Variants in DPP6 observed in about 807,000 individuals in gnomAD.
DPP6 encodes A-type potassium channel modulatory protein DPP6.
DPP6 carries 69 observed loss-of-function variants against 122.6 expected under a neutral mutation model. The ratio of observed to expected loss-of-function variants is 0.56; its 90% CI spans 0.46 to 0.69. The LOEUF (loss-of-function observed/expected upper bound fraction) is 0.69. DPP6 is among the 30% of genes least tolerant of loss of function. The pLI, the probability that DPP6 is intolerant of heterozygous loss-of-function variation, is 0.00. For synonymous variants in DPP6, 418 were observed against 433.1 expected (o/e 0.97, Z 0.43); for missense variants, 928 against 1,116.9 (o/e 0.83, Z 2.41).
At chr7:154,655,206 G>T (rs1308285824) in intron 6 of DPP6, among the ~76,000 whole-genome samples, 1 of 152,094 alleles carries the variant, frequency 6.6e-6, no homozygotes, top group African/African-American at 2.4e-5. Context: ...TGTTAGGTTT[G>T]CCCCCTCACT....
At chr7:154,280,303 G>A (rs146931588) in intron 1 of DPP6, among the ~76,000 whole-genome samples, 83 of 152,288 alleles carry the variant, frequency 5.5e-4, no homozygotes, top group African/African-American at 1.7e-3. Flanking sequence ...TAGGTGCTCA[G>A]GAAGTGAATC....
chr7:154,490,972 G>A (rs1323173186), intron 3 of DPP6, among the ~76,000 whole-genome samples: 3 of 152,162 alleles, frequency 2.0e-5, no homozygotes, highest in African/African-American at 2.4e-5. Flanking sequence ...GTCTATTTGC[G>A]ACACACCAGT....
chr7:153,970,011 A>G (rs1795949234), intron 1 of DPP6, among the ~76,000 whole-genome samples: 1 of 152,214 alleles, frequency 6.6e-6, no homozygotes, highest in African/African-American at 2.4e-5. Flanking sequence ...GCTTATCAGT[A>G]GTTCAATTCT....
intron 8 of DPP6, among the ~76,000 whole-genome samples, chr7:154,730,218 G>A (rs1842271669): frequency 6.6e-6 from 1 of 152,158 alleles, no homozygotes; most frequent in Non-Finnish European, 1.5e-5. Context: ...CTTTTGCTTG[G>A]GTGTGAGATC....
chr7:154,860,699 G>C (rs1048160869), intron 17 of DPP6, among the ~76,000 whole-genome samples: 2 of 152,224 alleles, frequency 1.3e-5, no homozygotes, highest in Admixed American at 1.3e-4. Context: ...AGAAGGAACA[G>C]CCCCGCTGCC....
chr7:154,798,780 A>G (rs1290709833), intron 12 of DPP6, among the ~76,000 whole-genome samples: 1 of 152,234 alleles, frequency 6.6e-6, no homozygotes, highest in Non-Finnish European at 1.5e-5. Flanking sequence ...GTTTCTTATG[A>G]CATTGTTTTT....
chr7:153,806,492 C>T, the DPP6 span, among the ~76,000 whole-genome samples: 10 of 151,476 alleles, frequency 6.6e-5, 1 homozygote, highest in Admixed American at 5.9e-4. Flanking sequence ...GGGTGTGAGA[C>T]TCAATTTCCA....
chr7:154,276,774 C>CA (rs1421944963), intron 1 of DPP6, among the ~76,000 whole-genome samples: 2 of 152,208 alleles, frequency 1.3e-5, no homozygotes, highest in East Asian at 3.9e-4. Context: ...CCTCGGGTCA[C>CA]AACATTTTCA....
chr7:154,447,753 A>G (rs551268384), intron 2 of DPP6, among the ~76,000 whole-genome samples: 144 of 152,376 alleles, frequency 9.5e-4, no homozygotes, highest in Admixed American at 1.7e-3. Flanking sequence ...TTCCAGGAAA[A>G]ACAAATTGGC....
chr7:154,093,622 CACACACACACCAT>C (rs1434084917), intron 1 of DPP6: 5 of 143,306 alleles, frequency 3.5e-5, no homozygotes, highest in African/African-American at 1.4e-4. Context: ...TACACACACA[CACACACACACCAT>C]ACACACACAC....
intron 4 of DPP6, among the ~76,000 whole-genome samples, chr7:154,555,143 GA>G (rs1829922416): frequency 6.6e-6 from 1 of 152,178 alleles, no homozygotes; most frequent in Admixed American, 6.5e-5. Context: ...TGTTCTTGAA[GA>G]AAGTGCAACC....
At chr7:154,091,669 T>C (rs530571688) in intron 1 of DPP6, among the ~76,000 whole-genome samples, 1 of 152,110 alleles carries the variant, frequency 6.6e-6, no homozygotes, top group East Asian at 1.9e-4. Context: ...ATAAGGTCCC[T>C]AAGAAAGGGC....
At chr7:154,229,966 G>A (rs1372352259) in intron 1 of DPP6, among the ~76,000 whole-genome samples, 1 of 151,842 alleles carries the variant, frequency 6.6e-6, no homozygotes, top group East Asian at 1.9e-4. Context: ...TTTCAATAGT[G>A]GTTTATATAT....
At chr7:154,402,768 A>G (rs1815746131) in intron 1 of DPP6, among the ~76,000 whole-genome samples, 1 of 150,622 alleles carries the variant, frequency 6.6e-6, no homozygotes, top group South Asian at 2.1e-4. Flanking sequence ...TTTAAAAAAA[A>G]GAAAAAAATA....
intron 1 of DPP6, among the ~76,000 whole-genome samples, chr7:154,363,285 G>A (rs1292849459): frequency 6.6e-6 from 1 of 152,176 alleles, no homozygotes; most frequent in East Asian, 1.9e-4. Context: ...TATAAGAAAT[G>A]CTCAATGTTC....
In DPP6 at chr7:154,746,621, C is replaced by T. The variant is rs192598266; in HGVS notation, c.883+18734C>T. ...CTGCATCTTTGCTTTGGACCACAAT[C>T]ACCCAAAAAGCATTAGGAGAAAAGA... On this transcript the variant is annotated intron_variant, in intron 8 of 25. Transcript: ENST00000377770. Among the ~76,000 whole-genome samples, 464 of 152,324 alleles carry T rather than the reference C, an allele frequency of 3.0e-3. 4 individuals carry two copies. Among genetic ancestry groups the T allele is most frequent in the South Asian group, 0.014 (67 of 4,822 alleles).
intron 17 of DPP6, among the ~76,000 whole-genome samples, chr7:154,866,312 G>A (rs772565298): frequency 6.6e-6 from 1 of 152,210 alleles, no homozygotes; most frequent in Non-Finnish European, 1.5e-5. Flanking sequence ...TGTGTGCCTG[G>A]AGCATTGCAT....
At chr7:154,296,561 A>G (rs1201529110) in intron 1 of DPP6, among the ~76,000 whole-genome samples, 2 of 152,184 alleles carry the variant, frequency 1.3e-5, no homozygotes, top group Non-Finnish European at 2.9e-5. Context: ...AGGAAAAGTG[A>G]CAGCCTTAAC....
At position 154,803,845 on chromosome 7, in the gene DPP6, C is replaced by G; in HGVS notation, c.1408-19C>G. 6.2e-7 allele frequency: 1 copy of G among 1,611,242 alleles called. No homozygotes were observed. The highest frequency in any genetic ancestry group is 8.5e-7 in the Non-Finnish European group (1 of 1,178,004). On this transcript the variant is annotated intron_variant, in intron 13 of 25. Coordinates refer to ENST00000377770, the MANE Select transcript of DPP6 (RefSeq NM_130797.4). ...GGGACACCGGTGTCTGCTCCTGATGCCATGTCTGTGTGTTTCAGCCCAACA... is the reference window on the plus strand; with the variant it reads ...GGGACACCGGTGTCTGCTCCTGATGGCATGTCTGTGTGTTTCAGCCCAACA...
Sources: allele counts gnomAD v4.1 joint callset (sites outside exome capture counted in the v4.1 genomes callset), GRCh38; gene constraint gnomAD v4.1.1; transcripts MANE v1.5; gene names NCBI Gene and HGNC (gene_info 2026-07-23, HGNC 2026-07-21).